The following TEAD4 variants were observed in gnomAD, a reference collection of about 807,000 sequenced individuals.
The protein encoded by TEAD4 is TEA domain transcription factor 4, also known as transcriptional enhancer factor TEF-3.
In TEAD4, 36 loss-of-function variants were observed where a neutral mutation model predicts 52.4. The ratio of observed to expected loss-of-function variants is 0.69; its 90% CI spans 0.53 to 0.91. TEAD4 has a LOEUF of 0.91. Among genes scored for constraint, TEAD4 ranks in the 40% least tolerant of loss-of-function variants. The pLI is 0.00. For missense variants in TEAD4, 508 were observed against 583.9 expected, an observed-to-expected ratio of 0.87 and a Z score of 1.34; for synonymous variants, 220 against 231.0, an observed-to-expected ratio of 0.95 and a Z score of 0.43.
chr12:2,985,863 A>G (rs1480870855), intron 2 of TEAD4, among the ~76,000 whole-genome samples: 2 of 151,890 alleles, frequency 1.3e-5, no homozygotes, highest in African/African-American at 4.8e-5. Context: ...AGGCGGGTGG[A>G]TCACTACGTC....
At chr12:2,999,086 C>T (rs569103038) in intron 3 of TEAD4, among the ~76,000 whole-genome samples, 1 of 152,324 alleles carries the variant, frequency 6.6e-6, no homozygotes, top group South Asian at 2.1e-4. Flanking sequence ...TAGCTCTGAG[C>T]TCACCCCCAG....
At chr12:3,007,795 A>T (rs2098257122) in intron 3 of TEAD4, among the ~76,000 whole-genome samples, 1 of 152,252 alleles carries the variant, frequency 6.6e-6, no homozygotes. Context: ...AGGCCTCACA[A>T]AAGTCTGGGT....
intron 2 of TEAD4, among the ~76,000 whole-genome samples, chr12:2,981,905 A>G (rs2098234335): frequency 2.0e-5 from 3 of 152,096 alleles, no homozygotes; most frequent in South Asian, 2.1e-4. Context: ...ATTTTGAGAG[A>G]TGAAGCCCAG....
At chr12:2,961,840 T>A (rs1247836460) in intron 2 of TEAD4, among the ~76,000 whole-genome samples, 1 of 152,162 alleles carries the variant, frequency 6.6e-6, no homozygotes, top group Non-Finnish European at 1.5e-5. Context: ...TTGAGAAACC[T>A]TGCCCTGTCT....
In TEAD4 at chr12:2,994,757, A is replaced by G; in HGVS notation, c.-10A>G. 1 of 1,600,462 alleles carries G rather than the reference A, an allele frequency of 6.2e-7. No individual in the cohort carries two copies. The highest frequency in any genetic ancestry group is 1.1e-5 in the South Asian group (1 of 89,384). ...CCACAGGTCCAACGAGCGCTCCTCC[A>G]AGCGGAGCCTTGGAGGGCACGGCCG... On this transcript the variant is annotated 5_prime_UTR_variant, in exon 3 of 13. Coordinates refer to ENST00000359864, the MANE Select transcript of TEAD4 (RefSeq NM_003213.4). This position sits in a 1 kb window ranked among gnomAD's most constrained non-coding sequence, Gnocchi z 4.7.
chr12:2,975,818 A>G (rs896947299), intron 2 of TEAD4, among the ~76,000 whole-genome samples: 2 of 151,948 alleles, frequency 1.3e-5, no homozygotes, highest in Non-Finnish European at 2.9e-5. Flanking sequence ...CCGTTCCCCA[A>G]ATCCTCCAGG....
rs2098246001 is a variant in TEAD4, at chr12:2,994,998, GAGCCCGTCGGGTTC to G, written c.226+12_226+25del. The G allele has an allele frequency of 5.0e-6, 8 of 1,612,828 alleles. No homozygotes were observed. In the East Asian group the frequency reaches 1.8e-4, roughly 36 times the overall value. ...GGACGAGGGCAAGATGTATGGTAAGGAGCCCGTCGGGTTCAGCCCTGTACCTGAGGCTGAGGCAA... is the reference window on the plus strand; with the variant it reads ...GGACGAGGGCAAGATGTATGGTAAGGAGCCCTGTACCTGAGGCTGAGGCAA... On this transcript the variant is annotated splice_region_variant and intron_variant, in intron 3 of 12. Coordinates refer to ENST00000359864, the MANE Select transcript of TEAD4 (RefSeq NM_003213.4). The surrounding 1 kb of genome is among the most constrained non-coding windows in gnomAD (Gnocchi z 4.7).
At chr12:3,024,837 T>A (rs563143304) in intron 10 of TEAD4, among the ~76,000 whole-genome samples, 7 of 152,266 alleles carry the variant, frequency 4.6e-5, no homozygotes, top group Non-Finnish European at 8.8e-5. Context: ...AAAATTAAAA[T>A]TTTTTTCCCC....
chr12:3,014,917 G>A (rs953642915), intron 5 of TEAD4, among the ~76,000 whole-genome samples: 6 of 152,346 alleles, frequency 3.9e-5, no homozygotes, highest in African/African-American at 7.2e-5. Flanking sequence ...CTTCGGGCTC[G>A]CAAGGGTGCG....
chr12:2,986,019 G>A (rs919218391), intron 2 of TEAD4, among the ~76,000 whole-genome samples: 2 of 151,990 alleles, frequency 1.3e-5, no homozygotes, highest in African/African-American at 4.8e-5. Context: ...CCGGGAGGCA[G>A]AGGTTGCAGT....
At chr12:2,989,647 C>T (rs1275432595) in intron 2 of TEAD4, among the ~76,000 whole-genome samples, 2 of 152,116 alleles carry the variant, frequency 1.3e-5, no homozygotes, top group Non-Finnish European at 2.9e-5. Context: ...ACTATGTTGC[C>T]CAGGCTGGTC....
chr12:2,964,230 G>T (rs1275123422), intron 2 of TEAD4, among the ~76,000 whole-genome samples: 1 of 152,182 alleles, frequency 6.6e-6, no homozygotes, highest in African/African-American at 2.4e-5. Context: ...TGCCACGCTC[G>T]CCCCTGCCAG....
intron 2 of TEAD4, among the ~76,000 whole-genome samples, chr12:2,977,398 CTT>C (rs150877363): frequency 6.6e-6 from 1 of 152,292 alleles, no homozygotes; most frequent in Non-Finnish European, 1.5e-5. Flanking sequence ...AGCTCTCTGA[CTT>C]TTGTTCCAAC....
chr12:2,987,216 G>A (rs1261454660), intron 2 of TEAD4, among the ~76,000 whole-genome samples: 15 of 152,146 alleles, frequency 9.9e-5, no homozygotes, highest in African/African-American at 3.4e-4. Context: ...TGCAAGCCTT[G>A]GGTGGGGATC....
At chr12:2,971,481 CTTA>C (rs1161957936) in intron 2 of TEAD4, among the ~76,000 whole-genome samples, 1 of 151,236 alleles carries the variant, frequency 6.6e-6, no homozygotes, top group East Asian at 1.9e-4. Context: ...TTTATTTTAT[CTTA>C]TTTATTTTTT....
intron 3 of TEAD4, among the ~76,000 whole-genome samples, chr12:2,997,968 A>G (rs2098248564): frequency 6.6e-6 from 1 of 152,122 alleles, no homozygotes; most frequent in Non-Finnish European, 1.5e-5. Flanking sequence ...GAAATTCTTT[A>G]CCTTTTAAAC....
chr12:2,982,864 G>A (rs2098235246), intron 2 of TEAD4, among the ~76,000 whole-genome samples: 1 of 152,194 alleles, frequency 6.6e-6, no homozygotes, highest in Non-Finnish European at 1.5e-5. Context: ...GTTCTCCCCA[G>A]GTGTGTGTTC....
At position 3,007,526 on chromosome 12, in the gene TEAD4, C is replaced by T. The variant is rs573856996; in HGVS notation, c.227-3478C>T. 5.3e-5 allele frequency among the ~76,000 whole-genome samples: 8 copies of T among 152,264 alleles called. No homozygotes were observed. The East Asian group carries it at 1.2e-3, about 22-fold the overall frequency. The stretch of plus-strand genomic sequence containing the variant: ...TACTGTGAAGTTAATGAGGTTTACG[C>T]GTTAGGACCCAGCACTTACATGGGC... On this transcript the variant is annotated intron_variant, in intron 3 of 12. Transcript: ENST00000359864.
chr12:3,024,601 G>A (rs1476968699), intron 10 of TEAD4, among the ~76,000 whole-genome samples: 1 of 152,106 alleles, frequency 6.6e-6, no homozygotes, highest in Non-Finnish European at 1.5e-5. Flanking sequence ...AGGTTGCAGT[G>A]AGCCAAAATC....
Sources: allele counts gnomAD v4.1 joint callset (sites outside exome capture counted in the v4.1 genomes callset), GRCh38; gene constraint gnomAD v4.1.1; non-coding constraint Gnocchi (gnomAD v3.1); transcripts MANE v1.5; gene names NCBI Gene and HGNC (gene_info 2026-07-23, HGNC 2026-07-21).